Variants in EPHA6 observed in about 807,000 individuals in gnomAD.
EPHA6 encodes the protein ephrin type-A receptor 6.
Under a neutral mutation model 112.0 loss-of-function variants are expected in EPHA6, and 50 were observed. The observed-to-expected ratio is 0.45, with a 90% CI of 0.36 to 0.56. The LOEUF (loss-of-function observed/expected upper bound fraction) is 0.56. Among genes scored for constraint, EPHA6 ranks in the 20% least tolerant of loss-of-function variants. The pLI, the probability that EPHA6 is intolerant of heterozygous loss-of-function variation, is 0.00. For synonymous variants in EPHA6, 529 were observed against 490.7 expected, an observed-to-expected ratio of 1.08 and a Z score of -1.03; for missense variants, 1,280 against 1,417.4, an observed-to-expected ratio of 0.90 and a Z score of 1.56.
chr3:97,205,926 A>C (rs1441933274), intron 3 of EPHA6, among the ~76,000 whole-genome samples: 2 of 152,102 alleles, frequency 1.3e-5, no homozygotes, highest in East Asian at 3.9e-4. Context: ...CAAAAGAATA[A>C]ATTCAGACTT....
chr3:97,059,610 T>C (rs2045955259), intron 3 of EPHA6, among the ~76,000 whole-genome samples: 2 of 151,460 alleles, frequency 1.3e-5, no homozygotes, highest in Non-Finnish European at 2.9e-5. Context: ...TCAGCTCATA[T>C]TTTCACCCAC....
In EPHA6 at chr3:97,750,854, G is replaced by A. The variant is rs116731589; in HGVS notation, c.*2153G>A. ...TATACAAAAAAAGGTAGGGGGTGATGGGAAAATCATCACTTTTCAAGTAAG... is the reference window on the plus strand; with the variant it reads ...TATACAAAAAAAGGTAGGGGGTGATAGGAAAATCATCACTTTTCAAGTAAG... On this transcript the variant is annotated 3_prime_UTR_variant, in exon 18 of 18. Coordinates refer to ENST00000389672, the MANE Select transcript of EPHA6 (RefSeq NM_001080448.3). Among the ~76,000 whole-genome samples the A allele has an allele frequency of 6.6e-6, 1 of 152,232 alleles. No homozygotes were observed. The highest frequency in any genetic ancestry group is 2.4e-5 in the African/African-American group (1 of 41,560).
chr3:97,440,759 A>G (rs2090094416), intron 6 of EPHA6, among the ~76,000 whole-genome samples: 1 of 151,740 alleles, frequency 6.6e-6, no homozygotes, highest in African/African-American at 2.4e-5. Flanking sequence ...TTAATGAAAT[A>G]GAATCACTAA....
chr3:96,893,327 G>T (rs1308933058), intron 2 of EPHA6, among the ~76,000 whole-genome samples: 1 of 152,116 alleles, frequency 6.6e-6, no homozygotes, highest in Admixed American at 6.5e-5. Flanking sequence ...AGTGTATCAT[G>T]TTATGTGGAC....
intron 3 of EPHA6, among the ~76,000 whole-genome samples, chr3:97,032,051 T>C (rs1286068330): frequency 6.6e-6 from 1 of 152,126 alleles, no homozygotes; most frequent in African/African-American, 2.4e-5. Context: ...CCAAGCCAAA[T>C]GTCCAACAAT....
At chr3:96,857,984 C>T (rs1411357790) in intron 1 of EPHA6, among the ~76,000 whole-genome samples, 1 of 151,902 alleles carries the variant, frequency 6.6e-6, no homozygotes, top group Non-Finnish European at 1.5e-5. Context: ...ATTGGCAGTT[C>T]AGCTCTACCT....
intron 5 of EPHA6, among the ~76,000 whole-genome samples, chr3:97,306,541 C>T (rs2081327948): frequency 6.6e-6 from 1 of 151,670 alleles, no homozygotes; most frequent in South Asian, 2.1e-4. Context: ...CTCTTACTTT[C>T]CCATAACCTT....
At chr3:96,861,883 G>A (rs910810351) in intron 1 of EPHA6, among the ~76,000 whole-genome samples, 5 of 151,854 alleles carry the variant, frequency 3.3e-5, no homozygotes, top group African/African-American at 1.2e-4. Context: ...AGTACAGAGA[G>A]GACCATACCA....
chr3:97,449,686 T>G, intron 7 of EPHA6, among the ~76,000 whole-genome samples: 1 of 152,076 alleles, frequency 6.6e-6, no homozygotes, highest in East Asian at 1.9e-4. Flanking sequence ...TTGCCCAAAT[T>G]TAAGCAACTA....
At chr3:97,317,352 C>A (rs1273744691) in intron 5 of EPHA6, among the ~76,000 whole-genome samples, 1 of 151,958 alleles carries the variant, frequency 6.6e-6, no homozygotes, top group African/African-American at 2.4e-5. Flanking sequence ...ACTATAAGTT[C>A]TCTTTTGCCC....
At chr3:97,100,853 T>C (rs1013661479) in intron 3 of EPHA6, among the ~76,000 whole-genome samples, 1 of 152,004 alleles carries the variant, frequency 6.6e-6, no homozygotes, top group Non-Finnish European at 1.5e-5. Flanking sequence ...TATCCTAATA[T>C]TAACCACTCC....
At chr3:96,885,099 T>C (rs1397470787) in intron 2 of EPHA6, among the ~76,000 whole-genome samples, 1 of 152,184 alleles carries the variant, frequency 6.6e-6, no homozygotes, top group Admixed American at 6.5e-5. Context: ...GGATTATCTT[T>C]TTGATATGTT....
intron 3 of EPHA6, among the ~76,000 whole-genome samples, chr3:97,139,452 G>T (rs2075842885): frequency 6.6e-6 from 1 of 152,042 alleles, no homozygotes; most frequent in African/African-American, 2.4e-5. Flanking sequence ...AACAAGAAAA[G>T]CCTCCCAAGA....
chr3:97,693,349 T>C (rs2032797879), intron 14 of EPHA6, among the ~76,000 whole-genome samples: 1 of 152,212 alleles, frequency 6.6e-6, no homozygotes, highest in Non-Finnish European at 1.5e-5. Context: ...AAAACAGTTT[T>C]CTAATCAGAA....
intron 2 of EPHA6, among the ~76,000 whole-genome samples, chr3:96,915,910 T>C (rs1237854988): frequency 6.6e-6 from 1 of 152,112 alleles, no homozygotes; most frequent in Non-Finnish European, 1.5e-5. Flanking sequence ...ATAACCATCA[T>C]TGAATGTGTC....
intron 11 of EPHA6, among the ~76,000 whole-genome samples, chr3:97,568,078 G>C (rs960396242): frequency 1.3e-5 from 2 of 152,184 alleles, no homozygotes; most frequent in Non-Finnish European, 2.9e-5. Context: ...GGATTGGTTA[G>C]TTTACGTATC....
At chr3:97,126,412 C>A (rs2048183884) in intron 3 of EPHA6, among the ~76,000 whole-genome samples, 1 of 152,100 alleles carries the variant, frequency 6.6e-6, no homozygotes, top group Non-Finnish European at 1.5e-5. Flanking sequence ...ACAGCAGTTT[C>A]AATCCAAAAA....
intron 6 of EPHA6, among the ~76,000 whole-genome samples, chr3:97,440,514 A>G (rs2090082047): frequency 6.6e-6 from 1 of 151,618 alleles, no homozygotes; most frequent in African/African-American, 2.4e-5. Context: ...TGTAGCAGAA[A>G]TAATTATTTG....
chr3:97,585,351 T>A (rs1015873173), intron 11 of EPHA6, among the ~76,000 whole-genome samples: 1 of 152,242 alleles, frequency 6.6e-6, no homozygotes, highest in Non-Finnish European at 1.5e-5. Flanking sequence ...TCCAAAATAT[T>A]TTAATTCTCC....
Sources: allele counts gnomAD v4.1 joint callset (sites outside exome capture counted in the v4.1 genomes callset), GRCh38; gene constraint gnomAD v4.1.1; transcripts MANE v1.5; gene names NCBI Gene and HGNC (gene_info 2026-07-23, HGNC 2026-07-21).